Variants in L3MBTL4 observed in about 807,000 individuals in gnomAD.
The protein encoded by L3MBTL4 is L3MBTL histone methyl-lysine binding protein 4.
L3MBTL4 carries 70 observed loss-of-function variants against 84.5 expected under a neutral mutation model. The observed-to-expected ratio is 0.83, with a 90% CI of 0.68 to 1.01. The LOEUF is 1.01. L3MBTL4 is among the 50% of genes least tolerant of loss of function. L3MBTL4 has a pLI of 0.00. For missense variants in L3MBTL4, 715 were observed against 754.8 expected (o/e 0.95, Z 0.62); for synonymous variants, 274 against 259.8 (o/e 1.05, Z -0.52).
At chr18:6,119,697 T>C (rs1344426824) in intron 14 of L3MBTL4, among the ~76,000 whole-genome samples, 2 of 152,306 alleles carry the variant, frequency 1.3e-5, no homozygotes, top group Admixed American at 6.5e-5. Context: ...CTCATGTATG[T>C]GGAGGTGTAT....
intron 5 of L3MBTL4, among the ~76,000 whole-genome samples, chr18:6,251,093 C>T (rs188984816): frequency 2.6e-5 from 4 of 152,194 alleles, no homozygotes; most frequent in East Asian, 3.9e-4. Context: ...AAAAATAATT[C>T]AAATGCTACA....
At chr18:6,346,757 A>AAGC (rs2143663647) in intron 1 of L3MBTL4, among the ~76,000 whole-genome samples, 1 of 152,230 alleles carries the variant, frequency 6.6e-6, no homozygotes, top group South Asian at 2.1e-4. Flanking sequence ...AATGTATGAA[A>AAGC]AGCAGCATGG....
At chr18:6,179,761 G>A (rs2044383353) in intron 12 of L3MBTL4, among the ~76,000 whole-genome samples, 1 of 152,084 alleles carries the variant, frequency 6.6e-6, no homozygotes, top group Non-Finnish European at 1.5e-5. Flanking sequence ...CCAAATAGCT[G>A]GAACTACAGG....
chr18:6,040,458 C>T (rs1483268608), intron 16 of L3MBTL4, among the ~76,000 whole-genome samples: 5 of 152,178 alleles, frequency 3.3e-5, no homozygotes, highest in Non-Finnish European at 2.9e-5. Context: ...TAGAGATATC[C>T]TGCACCAATC....
intron 17 of L3MBTL4, among the ~76,000 whole-genome samples, chr18:5,961,092 C>T (rs140942631): frequency 6.0e-4 from 91 of 152,302 alleles, no homozygotes; most frequent in Admixed American, 2.3e-3. Context: ...TCTAGGGGAA[C>T]TGTTTTGCTT....
chr18:5,988,788 A>C (rs1441770533), intron 16 of L3MBTL4, among the ~76,000 whole-genome samples: 1 of 152,198 alleles, frequency 6.6e-6, no homozygotes, highest in Non-Finnish European at 1.5e-5. Context: ...GGCGATGCCC[A>C]TACCAATTAA....
chr18:6,004,911 G>T (rs992552500), intron 16 of L3MBTL4, among the ~76,000 whole-genome samples: 10 of 150,752 alleles, frequency 6.6e-5, no homozygotes, highest in African/African-American at 9.8e-5. Flanking sequence ...ACTAACTTCT[G>T]GAGATGGATG....
At chr18:6,198,631 T>C (rs2045513806) in intron 12 of L3MBTL4, among the ~76,000 whole-genome samples, 1 of 152,152 alleles carries the variant, frequency 6.6e-6, no homozygotes, top group Non-Finnish European at 1.5e-5. Context: ...CCAAAAAACA[T>C]AAATTCTAAA....
At chr18:6,391,752 A>AACAACTACTACTACTACTACTACT (rs1555755552) in intron 1 of L3MBTL4, among the ~76,000 whole-genome samples, 1,568 of 150,074 alleles carry the variant, frequency 0.01, 9 homozygotes, top group African/African-American at 0.025. Context: ...CAACAACAAC[A>AACAACTACTACTACTACTACTACT]ACTACTACTA....
chr18:6,359,370 G>A (rs528636463), intron 1 of L3MBTL4, among the ~76,000 whole-genome samples: 3 of 152,196 alleles, frequency 2.0e-5, no homozygotes, highest in East Asian at 1.9e-4. Context: ...GCTTGAATCC[G>A]GGAGGCAGAG....
intron 1 of L3MBTL4, among the ~76,000 whole-genome samples, chr18:6,378,787 G>C (rs2054477871): frequency 6.6e-6 from 1 of 152,188 alleles, no homozygotes; most frequent in African/African-American, 2.4e-5. Context: ...GCCTAGGATT[G>C]TCTTGGCTAC....
At chr18:6,118,993 CTTTTTT>C (rs779523685) in intron 14 of L3MBTL4, among the ~76,000 whole-genome samples, 12 of 83,712 alleles carry the variant, frequency 1.4e-4, no homozygotes, top group African/African-American at 1.9e-4. Context: ...TTTTTGGTTT[CTTTTTT>C]TTTTTTTTTT....
chr18:6,188,228 G>A (rs2145469554), intron 12 of L3MBTL4, among the ~76,000 whole-genome samples: 1 of 151,842 alleles, frequency 6.6e-6, no homozygotes, highest in East Asian at 1.9e-4. Context: ...GGATGGTACT[G>A]ACAATTAATT....
chr18:6,285,945 C>T (rs1382317909), intron 4 of L3MBTL4, among the ~76,000 whole-genome samples: 2 of 151,482 alleles, frequency 1.3e-5, no homozygotes, highest in African/African-American at 4.8e-5. Flanking sequence ...GATTCTTCTG[C>T]CTCAGCCTCC....
chr18:6,098,884 C>T (rs1012941839), intron 14 of L3MBTL4, among the ~76,000 whole-genome samples: 2 of 152,000 alleles, frequency 1.3e-5, no homozygotes, highest in African/African-American at 4.8e-5. Flanking sequence ...CATGTGGAAG[C>T]CTTTATGAAG....
intron 16 of L3MBTL4, among the ~76,000 whole-genome samples, chr18:6,020,829 A>C (rs920179578): frequency 2.0e-5 from 3 of 152,154 alleles, no homozygotes; most frequent in African/African-American, 7.2e-5. Context: ...GACTAGTTTC[A>C]TATGTCTGGG....
intron 16 of L3MBTL4, among the ~76,000 whole-genome samples, chr18:6,080,674 C>A (rs932656508): frequency 6.6e-6 from 1 of 152,148 alleles, no homozygotes; most frequent in Admixed American, 6.5e-5. Context: ...AGTCCTTTTA[C>A]TTTTAAAATG....
chr18:6,342,829 TC>T (rs755634297), intron 1 of L3MBTL4, among the ~76,000 whole-genome samples: 5 of 152,076 alleles, frequency 3.3e-5, no homozygotes, highest in Non-Finnish European at 5.9e-5. Flanking sequence ...ATGAGCTGTT[TC>T]TAAGAGACTG....
chr18:6,030,538 G>A lies in L3MBTL4; in HGVS notation c.1444+50343C>T, dbSNP rs796109876. 1.5e-5 allele frequency: 13 copies of A among 884,874 alleles called. No individual in the cohort carries two copies. The African/African-American group carries it at 1.8e-4, about 13-fold the overall frequency. 54.8% of individuals were successfully genotyped at this position (884,874 alleles called of 1,614,324 possible). On this transcript the variant is annotated intron_variant, in intron 16 of 18. Coordinates refer to ENST00000317931, the MANE Select transcript of L3MBTL4 (RefSeq NM_001330559.2). Reference sequence around the variant, plus strand: ...TTTGGAGAAGGAGTCTCACTCTGTCGCCCAGGCTGGTGATGTACAGTGGCA... The same window carrying A: ...TTTGGAGAAGGAGTCTCACTCTGTCACCCAGGCTGGTGATGTACAGTGGCA...
Sources: allele counts gnomAD v4.1 joint callset (sites outside exome capture counted in the v4.1 genomes callset), GRCh38; gene constraint gnomAD v4.1.1; transcripts MANE v1.5; gene names NCBI Gene and HGNC (gene_info 2026-07-23, HGNC 2026-07-21).